The following ZSCAN25 variants were observed in gnomAD, a reference collection of about 807,000 sequenced individuals.
The protein encoded by ZSCAN25 is zinc finger and SCAN domain containing 25.
ZSCAN25 carries 27 observed loss-of-function variants against 38.7 expected under a neutral mutation model. That is an observed-to-expected ratio of 0.70 (90% CI 0.51 to 0.96). The LOEUF (loss-of-function observed/expected upper bound fraction) is 0.96. ZSCAN25 is among the 40% of genes least tolerant of loss of function. The pLI is 0.00. For missense variants in ZSCAN25, 637 were observed against 705.9 expected (o/e 0.90, Z 1.11); for synonymous variants, 273 against 277.7 (o/e 0.98, Z 0.17).
rs534251373 is a variant in ZSCAN25 at position 99,629,006 on chromosome 7, C to G, written c.806-185C>G. On this transcript the variant is annotated intron_variant, in intron 7 of 7. Coordinates refer to ENST00000394152, the MANE Select transcript of ZSCAN25 (RefSeq NM_145115.3). The surrounding 1 kb of genome is among the most constrained non-coding windows in gnomAD (Gnocchi z 5.6). ...TGGGCGGGCACTGGAATTTGGCAGA[C>G]TATTCTGTAAAAAGACATGGAGGTG... Among the ~76,000 whole-genome samples, 4 of 152,074 alleles carry G rather than the reference C, an allele frequency of 2.6e-5. No individual in the cohort carries two copies. The highest frequency in any genetic ancestry group is 2.0e-4 in the Admixed American group (3 of 15,280).
At chr7:99,663,746 C>T in the ZSCAN25 span, 1 of 1,200,744 alleles carries the variant, frequency 8.3e-7, no homozygotes, top group Non-Finnish European at 1.0e-6. Context: ...TCATGACATA[C>T]TAATTGTTGT....
At chr7:99,648,499 GC>G in the ZSCAN25 span, 4 of 706,870 alleles carry the variant, frequency 5.7e-6, no homozygotes, top group Non-Finnish European at 8.8e-6. Context: ...TGCTTTGCAA[GC>G]ATATAAAAAC....
chr7:99,710,383 A>T, the ZSCAN25 span, among the ~76,000 whole-genome samples: 1 of 152,218 alleles, frequency 6.6e-6, no homozygotes, highest in Non-Finnish European at 1.5e-5. Flanking sequence ...GATCACAGCC[A>T]GACCAGAGCA....
chr7:99,724,585 C>T, the ZSCAN25 span, among the ~76,000 whole-genome samples: 1 of 152,134 alleles, frequency 6.6e-6, no homozygotes, highest in African/African-American at 2.4e-5. Context: ...CCTCACCAGG[C>T]CAAGCCAGGT....
In ZSCAN25 at chr7:99,631,469, A is replaced by G. The variant is rs1807991847; in HGVS notation, c.*1449A>G. On this transcript the variant is annotated 3_prime_UTR_variant, in exon 8 of 8. Transcript: ENST00000394152. ...TTCTGTTTAAAGTTCTGGAAGCTGC[A>G]TAACTAGCGTGGACTGACTGCTGTG... 1.0e-6 allele frequency: 1 copy of G among 985,428 alleles called. No homozygotes were observed. The highest frequency in any genetic ancestry group is 1.2e-6 in the Non-Finnish European group (1 of 829,956). The allele number at this position is 985,428 out of a possible 1,614,324, so 61.0% of individuals were successfully genotyped here. A position where few individuals can be genotyped will look rare whatever the true frequency, so the allele number is the denominator to read the frequency against.
the ZSCAN25 span, chr7:99,672,014 G>A: frequency 1.7e-6 from 1 of 573,954 alleles, no homozygotes; most frequent in African/African-American, 1.9e-5. Context: ...TATTAGGTTG[G>A]TGCAAAAGTT....
chr7:99,623,407 C>T (rs994272341), intron 6 of ZSCAN25, among the ~76,000 whole-genome samples: 1 of 152,210 alleles, frequency 6.6e-6, no homozygotes, highest in Non-Finnish European at 1.5e-5. Context: ...ATGGGGTGCT[C>T]TCTTTTCCAC....
At chr7:99,634,950 T>A (rs1808212109), downstream of ZSCAN25, among the ~76,000 whole-genome samples, 1 of 151,864 alleles carries the variant, frequency 6.6e-6, no homozygotes, top group Non-Finnish European at 1.5e-5. Context: ...TCAATAGTAA[T>A]AATAATAATA....
At chr7:99,666,604 T>C in the ZSCAN25 span, 30 of 1,613,560 alleles carry the variant, frequency 1.9e-5, no homozygotes, top group Non-Finnish European at 2.5e-5. Flanking sequence ...TACTTACTCT[T>C]TCAAGGTGAC....
chr7:99,674,840 A>C, the ZSCAN25 span, among the ~76,000 whole-genome samples: 1 of 152,200 alleles, frequency 6.6e-6, no homozygotes, highest in Non-Finnish European at 1.5e-5. Flanking sequence ...ACCAGTAAGT[A>C]ATTCCTTGTC....
chr7:99,709,265 A>G, the ZSCAN25 span: 3 of 1,613,376 alleles, frequency 1.9e-6, no homozygotes, highest in South Asian at 2.2e-5. Flanking sequence ...GTGGTGCCTG[A>G]AAAGAAAGAA....
At chr7:99,642,941 C>T in the ZSCAN25 span, among the ~76,000 whole-genome samples, 6 of 152,074 alleles carry the variant, frequency 3.9e-5, 1 homozygote, top group South Asian at 1.2e-3. Context: ...ACAGTATGGG[C>T]GTGAAAGTAT....
the ZSCAN25 span, chr7:99,671,729 T>C: frequency 4.4e-6 from 3 of 679,588 alleles, no homozygotes; most frequent in East Asian, 2.7e-5. Flanking sequence ...TATTAATACA[T>C]TGGCCTCCTC....
At chr7:99,664,123 G>A in the ZSCAN25 span, 2 of 1,529,852 alleles carry the variant, frequency 1.3e-6, no homozygotes, top group African/African-American at 1.4e-5. Context: ...CAAACAAAAG[G>A]AAATCATTGA....
chr7:99,728,211 GTCATT>G, the ZSCAN25 span, among the ~76,000 whole-genome samples: 2 of 152,016 alleles, frequency 1.3e-5, no homozygotes, highest in African/African-American at 4.8e-5. Flanking sequence ...CTATTCTGTT[GTCATT>G]TCATGACCTC....
the ZSCAN25 span, among the ~76,000 whole-genome samples, chr7:99,701,201 A>ATGTC: frequency 6.6e-6 from 1 of 152,220 alleles, no homozygotes; most frequent in African/African-American, 2.4e-5. Flanking sequence ...AGAACATGCA[A>ATGTC]TGTCTGTCTT....
chr7:99,638,351 C>A, the ZSCAN25 span: 1 of 1,603,838 alleles, frequency 6.2e-7, no homozygotes, highest in Non-Finnish European at 8.5e-7. Context: ...AGGTCAGGCC[C>A]AGTTTCTCCT....
chr7:99,643,610 C>A, the ZSCAN25 span, among the ~76,000 whole-genome samples: 2 of 151,958 alleles, frequency 1.3e-5, no homozygotes, highest in Non-Finnish European at 2.9e-5. Flanking sequence ...CCAGGAAAGG[C>A]TGATTCTTGC....
chr7:99,634,752 G>T (rs1290804452), downstream of ZSCAN25, among the ~76,000 whole-genome samples: 5 of 151,516 alleles, frequency 3.3e-5, no homozygotes, highest in East Asian at 7.8e-4. Flanking sequence ...AGCCGAGATC[G>T]CACCACTGCA....
Sources: gnomAD v4.1 joint callset for allele counts (sites outside exome capture counted in the v4.1 genomes callset) on GRCh38, gnomAD v4.1.1 for gene constraint, Gnocchi (gnomAD v3.1) non-coding constraint, MANE v1.5 for transcripts, NCBI Gene and HGNC (gene_info 2026-07-23, HGNC 2026-07-21) for gene names.